The following ANAPC16 variants were observed in gnomAD, a reference collection of about 807,000 sequenced individuals.
ANAPC16 encodes anaphase-promoting complex subunit 16.
A neutral mutation model predicts 13.1 loss-of-function variants in ANAPC16; 6 were observed. The observed-to-expected ratio is 0.46, with a 90% confidence interval of 0.25 to 0.90. The LOEUF (loss-of-function observed/expected upper bound fraction) is 0.90. Ranked by LOEUF, ANAPC16 falls within the 40% of genes least tolerant of loss-of-function variation. The pLI, the probability that ANAPC16 is intolerant of heterozygous loss-of-function variation, is 0.18. For missense variants in ANAPC16, 113 were observed against 131.1 expected, an observed-to-expected ratio of 0.86 and a Z score of 0.67; for synonymous variants, 55 against 51.3, an observed-to-expected ratio of 1.07 and a Z score of -0.31.
chr10:72,218,064 C>T (rs1234805334), intron 1 of ANAPC16, among the ~76,000 whole-genome samples: 3 of 146,614 alleles, frequency 2.0e-5, no homozygotes, highest in South Asian at 4.3e-4. Context: ...AAAAAGATCC[C>T]GGAGGGGGAG....
chr10:72,224,031 C>T lies in ANAPC16; in HGVS notation c.117C>T (p.Pro39=), dbSNP rs771325361. Residue 39 remains proline (P), a synonymous_variant, in exon 2 of 4, where the codon CCC becomes CCT. Coordinates refer to ENST00000299381, the MANE Select transcript of ANAPC16 (RefSeq NM_173473.4). ...APPRKALFTY[P]KGAGEMLEDG... is the part of the protein sequence containing the mutation. ...CACGGAAAGCCCTTTTCACCTACCC[C>T]AAAGGAGCTGGAGAGATGTTAGAAG... 1 of 1,610,350 alleles carries T rather than the reference C, an allele frequency of 6.2e-7. No homozygotes were observed. Among genetic ancestry groups the T allele is most frequent in the South Asian group, 1.1e-5 (1 of 90,868 alleles).
At chr10:72,216,858 ATTTG>A (rs1283055012) in intron 1 of ANAPC16, 13 of 456,036 alleles carry the variant, frequency 2.9e-5, no homozygotes, top group Middle Eastern at 3.2e-4. Context: ...CATCATCAGT[ATTTG>A]TTTGACAAAA....
At chr10:72,221,771 C>G (rs1441352912) in intron 1 of ANAPC16, among the ~76,000 whole-genome samples, 2 of 148,350 alleles carry the variant, frequency 1.3e-5, no homozygotes, top group East Asian at 4.0e-4. Flanking sequence ...ACTCTTTTGC[C>G]CAGGCTGGAG....
chr10:72,227,903 G>C (rs1471023953), intron 2 of ANAPC16, among the ~76,000 whole-genome samples: 1 of 151,282 alleles, frequency 6.6e-6, no homozygotes, highest in African/African-American at 2.4e-5. Context: ...AGGCATCGTG[G>C]TGTGTGCCTA....
chr10:72,231,602 G>A (rs1280169892), intron 3 of ANAPC16, among the ~76,000 whole-genome samples: 1 of 152,142 alleles, frequency 6.6e-6, no homozygotes, highest in Non-Finnish European at 1.5e-5. Flanking sequence ...TGTCACCCGG[G>A]CTGGAGTGCA....
chr10:72,218,069 G>C (rs763665907), intron 1 of ANAPC16, among the ~76,000 whole-genome samples: 2 of 148,590 alleles, frequency 1.3e-5, no homozygotes, highest in Non-Finnish European at 3.0e-5. Context: ...GATCCCGGAG[G>C]GGGAGGCGGA....
chr10:72,220,360 A>G (rs1003031298), intron 1 of ANAPC16: 3 of 151,144 alleles, frequency 2.0e-5, no homozygotes, highest in Non-Finnish European at 4.4e-5. Context: ...AAAAGAAAAC[A>G]TAAGTTTCAG....
rs1860443144 is a variant in ANAPC16, at chr10:72,235,433, C to T, written c.*2317C>T. On this transcript the variant is annotated 3_prime_UTR_variant, in exon 4 of 4. Coordinates refer to ENST00000299381, the MANE Select transcript of ANAPC16 (RefSeq NM_173473.4). ...TGCCTGTGTGCTCCAGCCTGAGCAA[C>T]AAGAGCGAAACTGTCTCAAAAAAAA... The T allele has an allele frequency of 1.3e-5, 2 of 152,066 alleles. No individual in the cohort carries two copies. Among genetic ancestry groups the T allele is most frequent in the Non-Finnish European group, 2.9e-5 (2 of 68,028 alleles). 9.4% of individuals were successfully genotyped at this position (152,066 alleles called of 1,614,324 possible).
At chr10:72,230,257 C>G in intron 2 of ANAPC16, 109 bp from the exon 3 acceptor site, 1 of 771,472 alleles carries the variant, frequency 1.3e-6, no homozygotes, top group Non-Finnish European at 2.2e-6. Context: ...ACACTGAGAA[C>G]TAGACCCTGA....
intron 2 of ANAPC16, among the ~76,000 whole-genome samples, chr10:72,228,175 A>G (rs1173858940): frequency 1.3e-5 from 2 of 152,206 alleles, no homozygotes; most frequent in African/African-American, 4.8e-5. Flanking sequence ...AGTCTAGGAT[A>G]GTAAACCCAA....
intron 2 of ANAPC16, among the ~76,000 whole-genome samples, chr10:72,226,046 C>T (rs936113172): frequency 1.6e-4 from 23 of 147,444 alleles, no homozygotes; most frequent in African/African-American, 4.7e-4. Context: ...GACAGAGTCT[C>T]GCTCTGTTGC....
At chr10:72,223,252 G>GA (rs1860011051) in intron 1 of ANAPC16, 1 of 152,016 alleles carries the variant, frequency 6.6e-6, no homozygotes, top group Non-Finnish European at 1.5e-5. Flanking sequence ...TTTTAGTAGA[G>GA]ACAGAGTTTC....
chr10:72,235,329 G>T lies in ANAPC16; in HGVS notation c.*2213G>T, dbSNP rs569714608. On this transcript the variant is annotated 3_prime_UTR_variant, in exon 4 of 4. Coordinates refer to ENST00000299381, the MANE Select transcript of ANAPC16 (RefSeq NM_173473.4). ...TAGCCAGGCGTGGTGGCGGGCGCCTGTAATCCCAGCTACTCAGGAGGCTGA... is the reference window on the plus strand; with the variant it reads ...TAGCCAGGCGTGGTGGCGGGCGCCTTTAATCCCAGCTACTCAGGAGGCTGA... 6.6e-6 allele frequency: 1 copy of T among 152,084 alleles called. No homozygotes were observed. 9.4% of individuals were successfully genotyped at this position (152,084 alleles called of 1,614,324 possible). A position where few individuals can be genotyped will look rare whatever the true frequency, so the allele number is the denominator to read the frequency against.
At chr10:72,221,628 C>A (rs1859937054) in intron 1 of ANAPC16, among the ~76,000 whole-genome samples, 2 of 145,268 alleles carry the variant, frequency 1.4e-5, no homozygotes, top group African/African-American at 5.1e-5. Context: ...TCTCAGCTCA[C>A]TGCAACCTCC....
At chr10:72,217,376 G>A (rs1295340404) in intron 1 of ANAPC16, among the ~76,000 whole-genome samples, 1 of 151,790 alleles carries the variant, frequency 6.6e-6, no homozygotes, top group Non-Finnish European at 1.5e-5. Flanking sequence ...TCGGGAGGCT[G>A]AGGCGGGAGA....
intron 2 of ANAPC16, among the ~76,000 whole-genome samples, chr10:72,227,797 G>A (rs1205478187): frequency 6.6e-6 from 1 of 151,406 alleles, no homozygotes; most frequent in Non-Finnish European, 1.5e-5. Flanking sequence ...TTGGGAGGCC[G>A]AGGTGGGCGG....
rs1401013243 is a variant in ANAPC16 at position 72,233,468 on chromosome 10, G to C, written c.*352G>C. 5.5e-6 allele frequency: 1 copy of C among 181,988 alleles called. No homozygotes were observed. The highest frequency in any genetic ancestry group is 1.2e-5 in the Non-Finnish European group (1 of 86,440). 11.3% of individuals were successfully genotyped at this position (181,988 alleles called of 1,614,324 possible). ...GCGTCTGTCCTGTCATCCATATGGT[G>C]CCTGGAAATATTTACCAGTCAAGGT... On this transcript the variant is annotated 3_prime_UTR_variant, in exon 4 of 4. Coordinates refer to ENST00000299381, the MANE Select transcript of ANAPC16 (RefSeq NM_173473.4).
chr10:72,216,720 A>C (rs745617793), intron 1 of ANAPC16: 1 of 423,920 alleles, frequency 2.4e-6, no homozygotes, highest in African/African-American at 2.1e-5. Flanking sequence ...CCTGCCGTAC[A>C]TGAAGTAAAT....
chr10:72,224,497 C>T (rs376227018), intron 2 of ANAPC16, among the ~76,000 whole-genome samples: 3 of 151,838 alleles, frequency 2.0e-5, no homozygotes, highest in Admixed American at 6.6e-5. Context: ...CCTGTAATCC[C>T]GGCTACTGGG....
Sources: gnomAD v4.1 joint callset for allele counts (sites outside exome capture counted in the v4.1 genomes callset) on GRCh38, gnomAD v4.1.1 for gene constraint, MANE v1.5 for transcripts, NCBI Gene and HGNC (gene_info 2026-07-23, HGNC 2026-07-21) for gene names.